Variants in SMG1 observed in about 807,000 individuals in gnomAD.
The protein encoded by SMG1 is SMG1 nonsense mediated mRNA decay associated PI3K related kinase.
In SMG1, 22 loss-of-function variants were observed where a neutral mutation model predicts 419.9. The observed-to-expected ratio is 0.05, with a 90% CI of 0.04 to 0.07. The LOEUF (loss-of-function observed/expected upper bound fraction) is 0.07, where lower values mean the gene tolerates loss of function less well. Among genes scored for constraint, SMG1 ranks in the 10% least tolerant of loss-of-function variants. The pLI is 1.00. For synonymous variants in SMG1, 1,538 were observed against 1,553.5 expected (o/e 0.99, Z 0.23); for missense variants, 3,185 against 4,342.0 (o/e 0.73, Z 7.49).
chr16:18,914,109 T>C (rs1195725713), intron 1 of SMG1, among the ~76,000 whole-genome samples: 2 of 150,780 alleles, frequency 1.3e-5, no homozygotes, highest in Non-Finnish European at 3.0e-5. Flanking sequence ...AGAGGTTGCG[T>C]GAGCCTAGAT....
intron 62 of SMG1, 45 bp downstream of exon 62, chr16:18,811,716 T>C (rs1264572027): frequency 6.6e-7 from 1 of 1,508,688 alleles, no homozygotes; most frequent in Admixed American, 1.7e-5. Context: ...CCTCTACTTT[T>C]CCAGCAGCAT....
At chr16:18,844,474 TACACACACACACACACACAC>T (rs71141074) in intron 39 of SMG1, among the ~76,000 whole-genome samples, 48 of 4,170 alleles carry the variant, frequency 0.012, 5 homozygotes, top group African/African-American at 0.043. Context: ...CCCGCCCACC[TACACACACACACACACACAC>T]ACACACACAC....
rs559151249 is a variant in SMG1 at position 18,899,825 on chromosome 16, AATCC to A, written c.93-2873_93-2870del. Among the ~76,000 whole-genome samples, 66 of 152,300 alleles carry A rather than the reference AATCC, an allele frequency of 4.3e-4. No individual in the cohort carries two copies. In the South Asian group the frequency reaches 0.012, roughly 28 times the overall value. On this transcript the variant is annotated intron_variant, in intron 1 of 62. Coordinates refer to ENST00000446231, the MANE Select transcript of SMG1 (RefSeq NM_015092.5). ...AGAAAATCTATCTGTTAAGTCTAAG[AATCC>A]TAGCAATGATCCAAAAATACCTCTA...
chr16:18,919,657 TACACACACAC>T (rs368125844), intron 1 of SMG1, among the ~76,000 whole-genome samples: 1,370 of 125,782 alleles, frequency 0.011, 25 homozygotes, highest in African/African-American at 0.021. Flanking sequence ...TGTGTATATA[TACACACACAC>T]ACACACACAC....
chr16:18,907,845 C>CAAAAAAAAAAA (rs71141092), intron 1 of SMG1, among the ~76,000 whole-genome samples: 2 of 54,974 alleles, frequency 3.6e-5, no homozygotes, highest in African/African-American at 6.6e-5. Context: ...GAACGAGACT[C>CAAAAAAAAAAA]AAAAAAAAAA....
At chr16:18,910,070 C>T (rs1352929231) in intron 1 of SMG1, among the ~76,000 whole-genome samples, 1 of 151,200 alleles carries the variant, frequency 6.6e-6, no homozygotes, top group Non-Finnish European at 1.5e-5. Flanking sequence ...TATAGATTTA[C>T]AGTACTACAA....
intron 11 of SMG1, chr16:18,878,496 T>C (rs1436750375): frequency 2.6e-5 from 4 of 151,482 alleles, no homozygotes; most frequent in East Asian, 3.9e-4. Context: ...TAGTCCCAGA[T>C]AGTCGGGAGG....
rs1326422036 is a variant in SMG1 at position 18,815,480 on chromosome 16, T to C, written c.10474A>G (p.Ile3492Val). 6.2e-7 allele frequency: 1 copy of C among 1,614,034 alleles called. No individual in the cohort carries two copies. The highest frequency in any genetic ancestry group is 8.5e-7 in the Non-Finnish European group (1 of 1,179,890). ...TTCAGTTCTTTCAAGGTGGGAGTGA[T>C]TTCCTGGAGCATTTCAACGTGTTCT... ...SQEHVEMLQE[I>V]TPTLKELKTQ... The change falls in exon 59 of 63, where the codon ATC becomes GTC. Residue 3492 changes from isoleucine (I) to valine (V), a missense_variant. This residue lies in a region of SMG1 where 737 missense variants were observed against 846.6 expected (regional missense o/e 0.87). Coordinates refer to ENST00000446231, the MANE Select transcript of SMG1 (RefSeq NM_015092.5).
At chr16:18,833,696 C>T (rs556251794) in intron 50 of SMG1, among the ~76,000 whole-genome samples, 1 of 152,278 alleles carries the variant, frequency 6.6e-6, no homozygotes, top group South Asian at 2.1e-4. Flanking sequence ...AATCAGCATA[C>T]CGACTACCCT....
intron 1 of SMG1, among the ~76,000 whole-genome samples, chr16:18,915,317 G>C (rs2037928893): frequency 6.6e-6 from 1 of 152,028 alleles, no homozygotes; most frequent in Non-Finnish European, 1.5e-5. Flanking sequence ...GGCCACTCCA[G>C]TCCATTACAA....
chr16:18,805,925 G>A lies in SMG1; in HGVS notation c.*3644C>T, dbSNP rs566417021. The A allele has an allele frequency of 2.0e-5, 3 of 152,678 alleles. No individual in the cohort carries two copies. Among genetic ancestry groups the A allele is most frequent in the African/African-American group, 7.2e-5 (3 of 41,538 alleles). 9.5% of individuals were successfully genotyped at this position (152,678 alleles called of 1,614,324 possible). A position where few individuals can be genotyped will look rare whatever the true frequency, so the allele number is the denominator to read the frequency against. On this transcript the variant is annotated 3_prime_UTR_variant, in exon 63 of 63. Coordinates refer to ENST00000446231, the MANE Select transcript of SMG1 (RefSeq NM_015092.5). ...AATAGGACTAACAGGCTAATTGTAG[G>A]TGCTTTCATATGAAAATAATTGGGA...
chr16:18,834,877 A>G lies in SMG1; in HGVS notation c.8330+15T>C. 6.2e-7 allele frequency: 1 copy of G among 1,608,460 alleles called. No homozygotes were observed. Among genetic ancestry groups the G allele is most frequent in the Non-Finnish European group, 8.5e-7 (1 of 1,175,884 alleles). On this transcript the variant is annotated intron_variant, in intron 49 of 62. Transcript: ENST00000446231. ...AGACACAGGAAATGGTCCAATATGAAGTTGGCTAACTTACCTTGTAAGGGT... is the reference window on the plus strand; with the variant it reads ...AGACACAGGAAATGGTCCAATATGAGGTTGGCTAACTTACCTTGTAAGGGT...
rs1390424358 is a variant in SMG1 at position 18,828,039 on chromosome 16, T to C, written c.9733A>G (p.Thr3245Ala). The C allele has an allele frequency of 1.9e-6, 3 of 1,611,824 alleles. No individual in the cohort carries two copies. Among genetic ancestry groups the C allele is most frequent in the African/African-American group, 2.7e-5 (2 of 74,862 alleles). Residue 3245 changes from threonine (T) to alanine (A), a missense_variant, in exon 55 of 63, where the codon ACA becomes GCA. Thr to Ala is a moderately conservative substitution (Grantham distance 58). Coordinates refer to ENST00000446231, the MANE Select transcript of SMG1 (RefSeq NM_015092.5). Reference sequence around the variant, plus strand: ...GATCTGGCAAAACACACCTGAACTGTTGCAATAGAAGTTTCAATCTGGCTC... The same window carrying C: ...GATCTGGCAAAACACACCTGAACTGCTGCAATAGAAGTTTCAATCTGGCTC... ...TLSQIETSIA[T>A]VQEKLAALES...
In SMG1 at chr16:18,845,618, G is replaced by A. The variant is rs867676563; in HGVS notation, c.6030C>T (p.His2010=). The change falls in exon 39 of 63, where the codon CAC becomes CAT. Residue 2010 remains histidine, a synonymous_variant. Transcript: ENST00000446231. The part of the protein sequence containing the change: ...EEKIAIMREK[H]TALMKPIVFA... The stretch of plus-strand genomic sequence containing the variant: ...ATACGATGGGCTTCATCAAAGCTGT[G>A]TGCTTCTCCCTCATGATTGCAATTT... The A allele has an allele frequency of 3.1e-6, 5 of 1,612,474 alleles. No individual in the cohort carries two copies. The highest frequency in any genetic ancestry group is 1.9e-4 in the Middle Eastern group (1 of 5,258).
chr16:18,835,821 C>T (rs944398663), intron 48 of SMG1, 112 bp downstream of exon 48: 2 of 1,007,936 alleles, frequency 2.0e-6, no homozygotes, highest in Non-Finnish European at 2.9e-6. Context: ...ATTGCTTGAA[C>T]CTCAGAGACG....
In SMG1 at chr16:18,892,368, A is replaced by C; in HGVS notation, c.413-14T>G. The C allele has an allele frequency of 1.3e-6, 2 of 1,545,410 alleles. No homozygotes were observed. ...ACATCGATCTCTCTGTGAATATATA[A>C]ACATTTTGTTGTCCATTGAGTATAA... On this transcript the variant is annotated splice_polypyrimidine_tract_variant and intron_variant, in intron 3 of 62. Transcript: ENST00000446231.
At position 18,925,979 on chromosome 16, in the gene SMG1, A is replaced by G. The variant is rs752058454; in HGVS notation, c.63T>C (p.Tyr21=). The change falls in exon 1 of 63, where the codon TAT becomes TAC. Residue 21 remains tyrosine (Y), a synonymous_variant. Coordinates refer to ENST00000446231, the MANE Select transcript of SMG1 (RefSeq NM_015092.5). ...SSGGGGGGTK[Y]PRSWNDWQPR... ...GTTGCCAGTCATTCCAGCTCCGCGG[A>G]TACTTGGTGCCGCCGCCGCCGCCGC... The G allele has an allele frequency of 1.9e-6, 3 of 1,576,530 alleles. No homozygotes were observed. The highest frequency in any genetic ancestry group is 4.7e-5 in the East Asian group (2 of 42,382).
At chr16:18,861,998 A>G (rs1295680517) in intron 25 of SMG1, among the ~76,000 whole-genome samples, 2 of 152,082 alleles carry the variant, frequency 1.3e-5, no homozygotes, top group Non-Finnish European at 2.9e-5. Flanking sequence ...AAAAGAACAT[A>G]ATCTCTCCAA....
At chr16:18,891,758 A>C (rs1453106844) in intron 4 of SMG1, among the ~76,000 whole-genome samples, 1 of 152,146 alleles carries the variant, frequency 6.6e-6, no homozygotes, top group Non-Finnish European at 1.5e-5. Flanking sequence ...AATTGGTGTA[A>C]AGAAAGTGAA....
Sources: gnomAD v4.1 joint callset for allele counts (sites outside exome capture counted in the v4.1 genomes callset) on GRCh38, gnomAD v4.1.1 for gene constraint, gnomAD v4.1.1 regional missense constraint, MANE v1.5 for transcripts, NCBI Gene and HGNC (gene_info 2026-07-23, HGNC 2026-07-21) for gene names.